Variants in STRN observed in about 807,000 individuals in gnomAD.
STRN encodes the protein protein phosphatase 2 regulatory subunit B'''alpha.
Under a neutral mutation model 96.3 loss-of-function variants are expected in STRN, and 53 were observed. The ratio of observed to expected loss-of-function variants is 0.55; its 90% CI spans 0.44 to 0.69. STRN has a LOEUF of 0.69. Among genes scored for constraint, STRN ranks in the 30% least tolerant of loss-of-function variants. The probability of loss-of-function intolerance (pLI) is 0.00; values close to 1 mark genes in which losing one functional copy is unlikely to be tolerated. For missense variants in STRN, 987 were observed against 963.9 expected (o/e 1.02, Z -0.32); for synonymous variants, 428 against 355.9 (o/e 1.20, Z -2.28).
chr2:36,917,931 T>C (rs1471680815), intron 2 of STRN, among the ~76,000 whole-genome samples: 1 of 152,166 alleles, frequency 6.6e-6, no homozygotes, highest in Non-Finnish European at 1.5e-5. Flanking sequence ...AAGATACATA[T>C]CTATTTCATT....
intron 1 of STRN, among the ~76,000 whole-genome samples, chr2:36,955,414 A>G (rs1049244819): frequency 2.6e-5 from 4 of 152,250 alleles, no homozygotes; most frequent in Admixed American, 6.5e-5. Flanking sequence ...GCATATGTGC[A>G]TATGCATGCG....
Position 36,926,346 on chromosome 2 carries a change from T to A in STRN, c.235-1138A>T, listed in dbSNP as rs534434710. Among the ~76,000 whole-genome samples the A allele has an allele frequency of 7.7e-4, 118 of 152,330 alleles. 2 individuals are homozygous for A. The highest frequency in any genetic ancestry group is 4.1e-3 in the South Asian group (20 of 4,832). On this transcript the variant is annotated intron_variant, in intron 1 of 17. Coordinates refer to ENST00000263918, the MANE Select transcript of STRN (RefSeq NM_003162.4). The stretch of plus-strand genomic sequence containing the variant: ...ATACCTCTTAAAAGTCATAAGGGCC[T>A]CAAAACTAGCTATAAATTTCACTAT...
intron 4 of STRN, among the ~76,000 whole-genome samples, chr2:36,904,574 C>T (rs1669768848): frequency 1.3e-5 from 2 of 152,178 alleles, no homozygotes; most frequent in South Asian, 4.1e-4. Flanking sequence ...CACCTGTAAT[C>T]CCAGCACTTT....
At chr2:36,930,040 C>T (rs1243795559) in intron 1 of STRN, among the ~76,000 whole-genome samples, 3 of 152,122 alleles carry the variant, frequency 2.0e-5, no homozygotes, top group Admixed American at 6.5e-5. Context: ...TATATCTATT[C>T]CCTCTGAAAA....
chr2:36,937,317 C>A (rs1278590001), intron 1 of STRN, among the ~76,000 whole-genome samples: 1 of 146,604 alleles, frequency 6.8e-6, no homozygotes, highest in African/African-American at 2.6e-5. Flanking sequence ...GCACTCCAGC[C>A]TAGGCAACAA....
intron 11 of STRN, among the ~76,000 whole-genome samples, chr2:36,868,434 G>C (rs191468208): frequency 3.5e-4 from 53 of 152,228 alleles, no homozygotes; most frequent in African/African-American, 1.2e-3. Context: ...CAAATTATCA[G>C]TTTATTCATT....
At chr2:36,863,656 T>A (rs1344123963) in intron 12 of STRN, among the ~76,000 whole-genome samples, 6 of 152,236 alleles carry the variant, frequency 3.9e-5, no homozygotes, top group African/African-American at 1.2e-4. Flanking sequence ...CTCTTCGGGT[T>A]TCCATATGAA....
intron 1 of STRN, among the ~76,000 whole-genome samples, chr2:36,931,807 G>T (rs574297054): frequency 6.6e-6 from 1 of 152,266 alleles, no homozygotes; most frequent in East Asian, 1.9e-4. Flanking sequence ...CTTTAAAACT[G>T]CTTGCTTGCT....
intron 1 of STRN, among the ~76,000 whole-genome samples, chr2:36,933,826 T>C (rs890792964): frequency 2.6e-5 from 4 of 152,112 alleles, no homozygotes; most frequent in South Asian, 2.1e-4. Flanking sequence ...GAAAAAAAAC[T>C]AGGCTGGGCA....
Position 36,966,223 on chromosome 2 carries a change from T to A in STRN, c.234+7A>T. On this transcript the variant is annotated splice_region_variant and intron_variant, in intron 1 of 17. Transcript: ENST00000263918. ...GATGAAGACGGCCAGGCCGGGAGGG[T>A]CTTTACCTGCAGCTCCGCCCGCTCC... The A allele has an allele frequency of 1.9e-6, 3 of 1,549,840 alleles. No homozygotes were observed. The highest frequency in any genetic ancestry group is 2.6e-6 in the Non-Finnish European group (3 of 1,150,070).
chr2:36,858,426 A>G (rs528325037), intron 13 of STRN, among the ~76,000 whole-genome samples: 6 of 152,318 alleles, frequency 3.9e-5, no homozygotes, highest in East Asian at 1.9e-4. Context: ...GAAGTCCCTT[A>G]GCACTTTGGC....
chr2:36,940,960 C>A (rs2148253262), intron 1 of STRN, among the ~76,000 whole-genome samples: 1 of 152,220 alleles, frequency 6.6e-6, no homozygotes, highest in African/African-American at 2.4e-5. Context: ...TGAGATCTGC[C>A]TGGACAACAT....
intron 12 of STRN, among the ~76,000 whole-genome samples, chr2:36,864,963 C>T (rs1304871252): frequency 6.6e-6 from 1 of 152,198 alleles, no homozygotes; most frequent in African/African-American, 2.4e-5. Flanking sequence ...GATCTACCCA[C>T]CTTGACCTCC....
intron 1 of STRN, among the ~76,000 whole-genome samples, chr2:36,955,591 A>G (rs1335699784): frequency 6.6e-6 from 1 of 151,474 alleles, no homozygotes; most frequent in Non-Finnish European, 1.5e-5. Flanking sequence ...TCCCCTTCTA[A>G]CCCCTTCCTC....
chr2:36,912,279 G>C (rs1669981962), intron 3 of STRN, among the ~76,000 whole-genome samples: 1 of 152,068 alleles, frequency 6.6e-6, no homozygotes, highest in African/African-American at 2.4e-5. Context: ...CACTTTCCTT[G>C]ACCCCATGTG....
Position 36,843,369 on chromosome 2 carries a change from GAGTGTGGA to G in STRN, c.*6079_*6086del, listed in dbSNP as rs1196051433. On this transcript the variant is annotated 3_prime_UTR_variant, in exon 18 of 18. Transcript: ENST00000263918. Reference sequence around the variant, plus strand: ...AATAATGTTGATTTGAAGGGGCAGGGAGTGTGGAAGGCTTGTGTATGTCTGTTAAGTAG... The same window carrying G: ...AATAATGTTGATTTGAAGGGGCAGGGAGGCTTGTGTATGTCTGTTAAGTAG... Among the ~76,000 whole-genome samples, 2 of 152,130 alleles carry G rather than the reference GAGTGTGGA, an allele frequency of 1.3e-5. No individual in the cohort carries two copies. The highest frequency in any genetic ancestry group is 2.9e-5 in the Non-Finnish European group (2 of 68,022).
intron 9 of STRN, among the ~76,000 whole-genome samples, chr2:36,882,108 C>A (rs952679547): frequency 3.3e-5 from 5 of 152,008 alleles, no homozygotes; most frequent in African/African-American, 1.2e-4. Context: ...AAAAATTTCA[C>A]TGAAGAAGTA....
intron 2 of STRN, among the ~76,000 whole-genome samples, chr2:36,922,422 AG>A (rs1187064599): frequency 6.0e-5 from 9 of 150,878 alleles, no homozygotes; most frequent in African/African-American, 1.7e-4. Flanking sequence ...GGGAGGCTGA[AG>A]TGGGAGGATC....
rs1019049267 is a variant in STRN at position 36,841,647 on chromosome 2, G to C, written c.*7809C>G. 1 of 152,124 alleles carries C rather than the reference G, an allele frequency of 6.6e-6. No homozygotes were observed. The highest frequency in any genetic ancestry group is 2.4e-5 in the African/African-American group (1 of 41,406). The allele number at this position is 152,124 out of a possible 1,614,324, so 9.4% of individuals were successfully genotyped here. On this transcript the variant is annotated 3_prime_UTR_variant, in exon 18 of 18. Coordinates refer to ENST00000263918, the MANE Select transcript of STRN (RefSeq NM_003162.4). The stretch of plus-strand genomic sequence containing the variant: ...TGAGATTATCACTTGGCTACTTTAG[G>C]ATATTTCTTACATGCCTGGTCTTCA...
Sources: allele counts gnomAD v4.1 joint callset (sites outside exome capture counted in the v4.1 genomes callset), GRCh38; gene constraint gnomAD v4.1.1; transcripts MANE v1.5; gene names NCBI Gene and HGNC (gene_info 2026-07-23, HGNC 2026-07-21).